Variants in RANBP2 observed in about 807,000 individuals in gnomAD.
RANBP2 encodes RAN binding protein 2, also known as E3 SUMO-protein ligase RanBP2.
RANBP2 carries 57 observed loss-of-function variants against 303.6 expected under a neutral mutation model. The ratio of observed to expected loss-of-function variants is 0.19; its 90% CI spans 0.15 to 0.23. The LOEUF (loss-of-function observed/expected upper bound fraction) is 0.23. Ranked by LOEUF, RANBP2 falls within the 10% of genes least tolerant of loss-of-function variation. The pLI is 1.00. For synonymous variants in RANBP2, 1,167 were observed against 1,301.5 expected, an observed-to-expected ratio of 0.90 and a Z score of 2.23; for missense variants, 3,138 against 3,780.8, an observed-to-expected ratio of 0.83 and a Z score of 4.46.
the RANBP2 span, among the ~76,000 whole-genome samples, chr2:109,537,272 G>C: frequency 6.6e-6 from 1 of 152,170 alleles, no homozygotes; most frequent in African/African-American, 2.4e-5. Flanking sequence ...GTCTTAAAAT[G>C]ATGCTTTTAT....
chr2:109,051,813 G>C, the RANBP2 span, among the ~76,000 whole-genome samples: 2 of 151,690 alleles, frequency 1.3e-5, no homozygotes, highest in Admixed American at 1.3e-4. Flanking sequence ...CAGTGGCACG[G>C]TCTTGGCTCA....
chr2:109,716,233 T>G, the RANBP2 span, among the ~76,000 whole-genome samples: 1 of 152,028 alleles, frequency 6.6e-6, no homozygotes, highest in East Asian at 1.9e-4. Flanking sequence ...TATTTACTTA[T>G]TATTTTATTT....
chr2:109,601,178 G>C, the RANBP2 span, among the ~76,000 whole-genome samples: 3 of 152,172 alleles, frequency 2.0e-5, no homozygotes, highest in Admixed American at 6.5e-5. Flanking sequence ...CTAGAGACTG[G>C]GGGATGAAAC....
the RANBP2 span, among the ~76,000 whole-genome samples, chr2:108,975,134 T>A: frequency 6.6e-6 from 1 of 152,162 alleles, no homozygotes; most frequent in Non-Finnish European, 1.5e-5. Flanking sequence ...CTGAGGGTGC[T>A]GGGCAGGGTC....
the RANBP2 span, among the ~76,000 whole-genome samples, chr2:109,457,693 G>A: frequency 6.6e-6 from 1 of 152,254 alleles, no homozygotes; most frequent in Admixed American, 6.5e-5. Context: ...TTCTACTGCT[G>A]TGACTGCCTT....
At chr2:109,449,628 G>A in the RANBP2 span, 184 of 1,162,372 alleles carry the variant, frequency 1.6e-4, no homozygotes, top group Middle Eastern at 1.5e-3. Context: ...TGAACCAGGC[G>A]TGTGACAGAG....
the RANBP2 span, among the ~76,000 whole-genome samples, chr2:109,282,046 G>A: frequency 6.6e-6 from 1 of 152,058 alleles, no homozygotes; most frequent in Admixed American, 6.5e-5. Context: ...GTGTCAGAGG[G>A]GATGCTGGTG....
the RANBP2 span, among the ~76,000 whole-genome samples, chr2:108,815,005 T>G: frequency 6.6e-6 from 1 of 152,158 alleles, no homozygotes; most frequent in Admixed American, 6.6e-5. Context: ...TGGTATCTTA[T>G]TAAAAAAAAT....
chr2:108,840,124 C>A, the RANBP2 span, among the ~76,000 whole-genome samples: 1 of 151,812 alleles, frequency 6.6e-6, no homozygotes, highest in African/African-American at 2.4e-5. Context: ...TGTTCTTTTT[C>A]ATCTTTAACT....
the RANBP2 span, among the ~76,000 whole-genome samples, chr2:109,720,649 A>G: frequency 6.6e-6 from 1 of 152,220 alleles, no homozygotes; most frequent in African/African-American, 2.4e-5. Context: ...GCAGGGATCC[A>G]GGCACTAAAT....
At chr2:109,568,831 TAGAC>T in the RANBP2 span, among the ~76,000 whole-genome samples, 1 of 152,122 alleles carries the variant, frequency 6.6e-6, no homozygotes, top group African/African-American at 2.4e-5. Context: ...CAGACTTACT[TAGAC>T]AGCAGAGGAA....
chr2:109,629,291 C>T, the RANBP2 span, among the ~76,000 whole-genome samples: 1 of 124,114 alleles, frequency 8.1e-6, no homozygotes, highest in Non-Finnish European at 1.6e-5. Flanking sequence ...ACAAATGTCA[C>T]CTGGCCTAAA....
At chr2:108,998,183 T>A in the RANBP2 span, among the ~76,000 whole-genome samples, 3 of 152,212 alleles carry the variant, frequency 2.0e-5, no homozygotes, top group Non-Finnish European at 4.4e-5. Flanking sequence ...TGGAGCTTTT[T>A]AATGCCATGC....
At chr2:108,787,900 C>G (rs1679177419), downstream of RANBP2, 1 of 763,902 alleles carries the variant, frequency 1.3e-6, no homozygotes. Flanking sequence ...GTTTTGATCA[C>G]TTGGTTAAGA....
chr2:109,216,519 A>G, the RANBP2 span, among the ~76,000 whole-genome samples: 2 of 152,230 alleles, frequency 1.3e-5, no homozygotes, highest in Admixed American at 6.5e-5. Flanking sequence ...GCAAAGCTTA[A>G]GTGCCTTGCT....
At chr2:109,590,015 TATATATACACACAC>T in the RANBP2 span, among the ~76,000 whole-genome samples, 5 of 151,158 alleles carry the variant, frequency 3.3e-5, no homozygotes, top group South Asian at 6.3e-4. Context: ...TAATCATATA[TATATATACACACAC>T]ATATATACAC....
At chr2:109,606,164 C>T in the RANBP2 span, among the ~76,000 whole-genome samples, 1 of 152,164 alleles carries the variant, frequency 6.6e-6, no homozygotes, top group Non-Finnish European at 1.5e-5. Context: ...TGCCTGTAAT[C>T]CCAGCACTTT....
chr2:108,974,861 C>G, the RANBP2 span, among the ~76,000 whole-genome samples: 2 of 152,234 alleles, frequency 1.3e-5, no homozygotes, highest in South Asian at 4.1e-4. Context: ...CCCGAGCTGC[C>G]TCACCAGGCC....
At chr2:109,067,424 T>C in the RANBP2 span, among the ~76,000 whole-genome samples, 1 of 152,364 alleles carries the variant, frequency 6.6e-6, no homozygotes, top group East Asian at 1.9e-4. Context: ...CAGCCCCGCC[T>C]GTGCTGTACT....
Sources: gnomAD v4.1 joint callset for allele counts (sites outside exome capture counted in the v4.1 genomes callset) on GRCh38, gnomAD v4.1.1 for gene constraint, MANE v1.5 for transcripts, NCBI Gene and HGNC (gene_info 2026-07-23, HGNC 2026-07-21) for gene names.